Variants in EHBP1 observed in about 807,000 individuals in gnomAD.
EHBP1 encodes EH domain binding protein 1.
A neutral mutation model predicts 144.0 loss-of-function variants in EHBP1; 55 were observed. That is an observed-to-expected ratio of 0.38 (90% CI 0.31 to 0.48). The LOEUF is 0.48. Among genes scored for constraint, EHBP1 ranks in the 20% least tolerant of loss-of-function variants. The pLI is 0.98. For missense variants in EHBP1, 1,200 were observed against 1,364.2 expected, an observed-to-expected ratio of 0.88 and a Z score of 1.90; for synonymous variants, 469 against 472.7, an observed-to-expected ratio of 0.99 and a Z score of 0.10.
chr2:63,020,314 AC>A (rs1229374308), intron 19 of EHBP1, among the ~76,000 whole-genome samples: 1 of 133,150 alleles, frequency 7.5e-6, no homozygotes, highest in African/African-American at 2.9e-5. Context: ...ACAGAGTGAG[AC>A]TCTGTCTCAA....
rs144197577 is a variant in EHBP1 at position 62,977,640 on chromosome 2, T to C, written c.2461-1548T>C. Among the ~76,000 whole-genome samples the C allele has an allele frequency of 2.9e-4, 44 of 152,284 alleles. No homozygotes were observed. In the East Asian group the frequency reaches 7.3e-3, roughly 25 times the overall value. On this transcript the variant is annotated intron_variant, in intron 14 of 22. Transcript: ENST00000431489. ...GAGAGTATAAATAGTATATAGTATA[T>C]TCTCCTGCTTGAAATGGTTACAGCA...
At chr2:62,783,310 A>G (rs548696538) in intron 5 of EHBP1, among the ~76,000 whole-genome samples, 6 of 152,200 alleles carry the variant, frequency 3.9e-5, no homozygotes, top group East Asian at 1.9e-4. Flanking sequence ...CAGTGGATCT[A>G]CCATTCTGGA....
chr2:62,843,404 A>C (rs2048060847), intron 7 of EHBP1, among the ~76,000 whole-genome samples: 1 of 152,142 alleles, frequency 6.6e-6, no homozygotes, highest in East Asian at 1.9e-4. Context: ...CAGTAATTCA[A>C]AACTAGTTTT....
At chr2:62,971,897 TCA>T (rs2058514187) in intron 14 of EHBP1, among the ~76,000 whole-genome samples, 1 of 152,192 alleles carries the variant, frequency 6.6e-6, no homozygotes, top group Non-Finnish European at 1.5e-5. Flanking sequence ...CCTTTATAAC[TCA>T]GTCTAACTCT....
At chr2:62,685,199 A>G (rs1297976318) in intron 1 of EHBP1, among the ~76,000 whole-genome samples, 1 of 152,222 alleles carries the variant, frequency 6.6e-6, no homozygotes, top group Non-Finnish European at 1.5e-5. Flanking sequence ...AAAAAGATAA[A>G]TATTTGAGGT....
chr2:62,890,314 A>G (rs1391999930), intron 10 of EHBP1, among the ~76,000 whole-genome samples: 1 of 152,186 alleles, frequency 6.6e-6, no homozygotes, highest in Non-Finnish European at 1.5e-5. Context: ...CATTTTATCT[A>G]TAAATTGCTT....
At chr2:63,023,778 T>C (rs750806913) in intron 19 of EHBP1, among the ~76,000 whole-genome samples, 2 of 152,234 alleles carry the variant, frequency 1.3e-5, no homozygotes, top group Non-Finnish European at 2.9e-5. Flanking sequence ...TCTGTTGTGC[T>C]TTTGAAGGAT....
rs547191161 is a variant in EHBP1, at chr2:62,774,198, G to T, written c.312+2806G>T. Among the ~76,000 whole-genome samples the T allele has an allele frequency of 4.6e-5, 7 of 151,842 alleles. No homozygotes were observed. The South Asian group carries it at 1.5e-3, about 32-fold the overall frequency. On this transcript the variant is annotated intron_variant, in intron 5 of 22. Transcript: ENST00000431489. The stretch of plus-strand genomic sequence containing the variant: ...CCATTCTGGCCAACATGGTGAAACA[G>T]CGTCTCTACTAAAAATACAAAAATT...
At chr2:62,833,541 A>G (rs1456091204) in intron 7 of EHBP1, among the ~76,000 whole-genome samples, 1 of 152,196 alleles carries the variant, frequency 6.6e-6, no homozygotes, top group African/African-American at 2.4e-5. Context: ...TGGTTTACTG[A>G]ATATTTTAAG....
At chr2:62,872,051 T>C (rs1411404521) in intron 9 of EHBP1, 2 of 152,140 alleles carry the variant, frequency 1.3e-5, no homozygotes, top group Non-Finnish European at 2.9e-5. Flanking sequence ...ACATGCCCAT[T>C]TTAATAACTT....
intron 7 of EHBP1, chr2:62,858,419 G>A: frequency 6.2e-7 from 1 of 1,601,032 alleles, no homozygotes; most frequent in Non-Finnish European, 8.5e-7. Context: ...TTGTAAACCA[G>A]TTGAATGCTC....
At position 63,045,007 on chromosome 2, in the gene EHBP1, CG is replaced by C. The variant is rs1428721443; in HGVS notation, c.3278-53del. On this transcript the variant is annotated intron_variant, in intron 21 of 22. Coordinates refer to ENST00000431489, the MANE Select transcript of EHBP1 (RefSeq NM_001142616.3). The surrounding 1 kb of genome is among the most constrained non-coding windows in gnomAD (Gnocchi z 5.7). ...ACTGGAAAAGGCGGGAAGGGGAGGG[CG>C]GGGGGCCGGGTGTTCGGAGGCCCTG... 5.3e-5 allele frequency: 65 copies of C among 1,226,520 alleles called. No homozygotes were observed. Among genetic ancestry groups the C allele is most frequent in the Middle Eastern group, 1.9e-4 (1 of 5,246 alleles). The allele number at this position is 1,226,520 out of a possible 1,614,324, so 76.0% of individuals were successfully genotyped here. A position where few individuals can be genotyped will look rare whatever the true frequency, so the allele number is the denominator to read the frequency against.
intron 5 of EHBP1, among the ~76,000 whole-genome samples, chr2:62,807,531 A>G (rs569079667): frequency 6.6e-6 from 1 of 152,316 alleles, no homozygotes; most frequent in Non-Finnish European, 1.5e-5. Flanking sequence ...CTGGGCAATA[A>G]GAGCGAAACT....
intron 5 of EHBP1, among the ~76,000 whole-genome samples, chr2:62,794,737 A>T (rs1238834780): frequency 1.3e-5 from 2 of 152,068 alleles, no homozygotes; most frequent in Non-Finnish European, 2.9e-5. Flanking sequence ...AAATTAAAAT[A>T]CTAAACAGAT....
chr2:62,997,114 C>G (rs1437179050), intron 19 of EHBP1, among the ~76,000 whole-genome samples: 1 of 152,002 alleles, frequency 6.6e-6, no homozygotes, highest in Non-Finnish European at 1.5e-5. Context: ...ATTTGGCCAG[C>G]TAAAGCCATG....
intron 2 of EHBP1, among the ~76,000 whole-genome samples, chr2:62,715,927 A>G (rs73934277): frequency 0.021 from 3,189 of 152,314 alleles, 108 homozygotes; most frequent in African/African-American, 0.072. Context: ...AATACATGTT[A>G]TGCTTAATTA....
chr2:62,868,141 G>A (rs1423876780), intron 9 of EHBP1, among the ~76,000 whole-genome samples: 1 of 152,110 alleles, frequency 6.6e-6, no homozygotes, highest in Admixed American at 6.6e-5. Context: ...TTGGGAGGCC[G>A]AGGCGGGCGG....
chr2:62,871,627 A>T (rs1345731165), intron 9 of EHBP1, among the ~76,000 whole-genome samples: 3 of 152,188 alleles, frequency 2.0e-5, no homozygotes, highest in African/African-American at 7.2e-5. Flanking sequence ...TCAATAATAA[A>T]CTTATGACCT....
At chr2:62,786,737 G>T (rs1448200842) in intron 5 of EHBP1, among the ~76,000 whole-genome samples, 3 of 152,184 alleles carry the variant, frequency 2.0e-5, no homozygotes, top group Non-Finnish European at 4.4e-5. Flanking sequence ...GCAGAATTAA[G>T]TATATAGTTA....
Sources: gnomAD v4.1 joint callset for allele counts (sites outside exome capture counted in the v4.1 genomes callset) on GRCh38, gnomAD v4.1.1 for gene constraint, Gnocchi (gnomAD v3.1) non-coding constraint, MANE v1.5 for transcripts, NCBI Gene and HGNC (gene_info 2026-07-23, HGNC 2026-07-21) for gene names.